KIAA1755: variants seen among roughly 807,000 people sequenced by gnomAD.
KIAA1755 encodes the protein uncharacterized protein KIAA1755.
A neutral mutation model predicts 91.7 loss-of-function variants in KIAA1755; 68 were observed. The ratio of observed to expected loss-of-function variants is 0.74; its 90% CI spans 0.61 to 0.91. KIAA1755 has a LOEUF of 0.91. KIAA1755 is among the 40% of genes least tolerant of loss of function. The pLI is 0.00. For missense variants in KIAA1755, 1,535 were observed against 1,494.4 expected, an observed-to-expected ratio of 1.03 and a Z score of -0.45; for synonymous variants, 610 against 604.6, an observed-to-expected ratio of 1.01 and a Z score of -0.13.
intron 4 of KIAA1755, chr20:38,233,540 A>G (rs943377124): frequency 2.0e-5 from 3 of 152,132 alleles, no homozygotes; most frequent in Non-Finnish European, 4.4e-5. Context: ...GGGGTGGGGA[A>G]GCAGCTTCCC....
At chr20:38,259,033 C>T (rs1050320951) in intron 1 of KIAA1755, among the ~76,000 whole-genome samples, 2 of 152,074 alleles carry the variant, frequency 1.3e-5, no homozygotes, top group Non-Finnish European at 2.9e-5. Flanking sequence ...TTCAGACTGT[C>T]CTAACTTGCA....
chr20:38,233,897 G>A (rs1600611562), intron 4 of KIAA1755: 1 of 152,302 alleles, frequency 6.6e-6, no homozygotes, highest in South Asian at 2.1e-4. Context: ...ACTGTATTTG[G>A]AGATAGGGTG....
intron 1 of KIAA1755, among the ~76,000 whole-genome samples, chr20:38,247,507 C>A (rs1018397526): frequency 6.6e-6 from 1 of 152,208 alleles, no homozygotes; most frequent in African/African-American, 2.4e-5. Context: ...CCCAACTACC[C>A]CAGGGAGATC....
At chr20:38,217,937 C>T (rs1244472142) in intron 12 of KIAA1755, 2 of 446,806 alleles carry the variant, frequency 4.5e-6, no homozygotes, top group African/African-American at 3.9e-5. Context: ...CACGTTGATG[C>T]AGCTTCCCTG....
intron 5 of KIAA1755, 142 bp downstream of exon 5, chr20:38,231,060 C>CT (rs1176292811): frequency 1.4e-5 from 12 of 886,300 alleles, no homozygotes; most frequent in Non-Finnish European, 1.8e-5. Flanking sequence ...TGCTTTCCCC[C>CT]GGCATCTGTC....
At chr20:38,216,785 G>A (rs2075550102) in intron 13 of KIAA1755, 1 of 460,506 alleles carries the variant, frequency 2.2e-6, no homozygotes, top group African/African-American at 2.0e-5. Context: ...GGTGTGTGAA[G>A]TGCTCACAGG....
intron 10 of KIAA1755, among the ~76,000 whole-genome samples, chr20:38,221,460 C>T (rs1484939272): frequency 6.6e-6 from 1 of 152,150 alleles, no homozygotes; most frequent in Non-Finnish European, 1.5e-5. Flanking sequence ...TAAGCCTGCT[C>T]TCAAGTCTAG....
intron 1 of KIAA1755, among the ~76,000 whole-genome samples, chr20:38,252,555 C>T (rs2076269500): frequency 6.6e-6 from 1 of 152,140 alleles, no homozygotes; most frequent in Admixed American, 6.5e-5. Context: ...CCAAGTCTGC[C>T]CAGATCTTCC....
rs193920749 is a variant in KIAA1755 at position 38,213,556 on chromosome 20, C to A, written c.3089G>T (p.Gly1030Val). 1 of 1,605,996 alleles carries A rather than the reference C, an allele frequency of 6.2e-7. No homozygotes were observed. Among genetic ancestry groups the A allele is most frequent in the South Asian group, 1.1e-5 (1 of 90,682 alleles). The change falls in exon 14 of 14, where the codon GGC becomes GTC. Residue 1030 changes from glycine (G) to valine (V), a missense_variant. Transcript: ENST00000279024. Reference sequence around the variant, plus strand: ...CCGGGCCTCCTCCCATAGCTCCTGGCCCAGGCCTGCCCGGCTCAGGGAGGC... The same window carrying A: ...CCGGGCCTCCTCCCATAGCTCCTGGACCAGGCCTGCCCGGCTCAGGGAGGC... ...QVASLSRAGL[G>V]QELWEEARIR...
chr20:38,243,060 G>T (rs1416429749), intron 2 of KIAA1755, among the ~76,000 whole-genome samples: 1 of 152,192 alleles, frequency 6.6e-6, no homozygotes, highest in African/African-American at 2.4e-5. Context: ...GACACCATGT[G>T]GCAACAACGG....
At position 38,239,704 on chromosome 20, in the gene KIAA1755, G is replaced by A. The variant is rs11699859; in HGVS notation, c.1571C>T (p.Thr524Ile). ...GCTGGGGGCAGTGGCTGGGCCAGATGTTTTGGTCTGAGTTGTTCCAGCTGG... is the reference window on the plus strand; with the variant it reads ...GCTGGGGGCAGTGGCTGGGCCAGATATTTTGGTCTGAGTTGTTCCAGCTGG... Reference protein sequence around the residue: ...LGKAGTTQTKTSGPATAPSPL... With the variant: ...LGKAGTTQTKISGPATAPSPL... The change falls in exon 4 of 14, where the codon ACA (threonine) becomes ATA (isoleucine). Residue 524 changes from threonine (T) to isoleucine (I), a missense_variant. Transcript: ENST00000279024. 8.4e-3 allele frequency: 13,504 copies of A among 1,612,442 alleles called. 85 individuals are homozygous for A. Among genetic ancestry groups the A allele is most frequent in the Middle Eastern group, 0.023 (140 of 6,060 alleles).
chr20:38,255,525 C>A (rs541735606), intron 1 of KIAA1755, among the ~76,000 whole-genome samples: 1 of 152,338 alleles, frequency 6.6e-6, no homozygotes, highest in African/African-American at 2.4e-5. Context: ...CCAGATACGG[C>A]CCAGCGGGTG....
chr20:38,232,132 G>C (rs1458345032), intron 4 of KIAA1755, among the ~76,000 whole-genome samples: 1 of 152,094 alleles, frequency 6.6e-6, no homozygotes, highest in Non-Finnish European at 1.5e-5. Context: ...CTGCACTTCA[G>C]TCACCTCACT....
intron 1 of KIAA1755, among the ~76,000 whole-genome samples, chr20:38,258,706 G>A (rs144801697): frequency 7.9e-5 from 12 of 152,278 alleles, no homozygotes; most frequent in Non-Finnish European, 1.0e-4. Flanking sequence ...AGCAGGGAGC[G>A]TGAACCATAA....
intron 4 of KIAA1755, among the ~76,000 whole-genome samples, chr20:38,232,221 C>T (rs866889902): frequency 5.9e-5 from 9 of 152,232 alleles, no homozygotes; most frequent in Admixed American, 2.0e-4. Flanking sequence ...TCACAGCTCA[C>T]GAAGCCTTGG....
At chr20:38,223,785 A>G (rs1600583311) in intron 8 of KIAA1755, 149 bp from the exon 9 acceptor site, 5 of 621,546 alleles carry the variant, frequency 8.0e-6, no homozygotes, top group Non-Finnish European at 1.4e-5. Context: ...GTTAAAACAC[A>G]GGCTCTGGGC....
chr20:38,229,396 G>A (rs915045606), intron 5 of KIAA1755, among the ~76,000 whole-genome samples: 1 of 152,210 alleles, frequency 6.6e-6, no homozygotes, highest in Non-Finnish European at 1.5e-5. Context: ...GCACAGAAAG[G>A]CCCAGTGGCA....
intron 1 of KIAA1755, among the ~76,000 whole-genome samples, chr20:38,248,531 G>A (rs887851890): frequency 5.9e-5 from 9 of 152,122 alleles, no homozygotes; most frequent in Non-Finnish European, 1.3e-4. Flanking sequence ...ACAGGAGGCA[G>A]GTACAGTAAG....
chr20:38,246,042 C>T lies in KIAA1755; in HGVS notation c.88G>A (p.Gly30Ser), dbSNP rs1197492616. 1 of 1,614,188 alleles carries T rather than the reference C, an allele frequency of 6.2e-7. No individual in the cohort carries two copies. The highest frequency in any genetic ancestry group is 1.7e-5 in the Admixed American group (1 of 60,018). The change falls in exon 2 of 14, where the codon GGT becomes AGT. Residue 30 changes from glycine (G) to serine (S), a missense_variant. Coordinates refer to ENST00000279024, the MANE Select transcript of KIAA1755 (RefSeq NM_001029864.2). ...PFEATAPTVL[G>S]QVFRLLDSGF... is the part of the protein sequence containing the mutation. The stretch of plus-strand genomic sequence containing the variant: ...GAGTCCAGGAGACGGAACACCTGAC[C>T]CAGGACGGTGGGTGCTGTGGCCTCG...
Sources: gnomAD v4.1 joint callset for allele counts (sites outside exome capture counted in the v4.1 genomes callset) on GRCh38, gnomAD v4.1.1 for gene constraint, MANE v1.5 for transcripts, NCBI Gene and HGNC (gene_info 2026-07-23, HGNC 2026-07-21) for gene names.